FHIP1A: variants seen among roughly 807,000 people sequenced by gnomAD.
The protein encoded by FHIP1A is FHF complex subunit HOOK interacting protein 1A.
Under a neutral mutation model 88.6 loss-of-function variants are expected in FHIP1A, and 61 were observed. The observed-to-expected ratio is 0.69, with a 90% CI of 0.56 to 0.85. FHIP1A has a LOEUF of 0.85. Among genes scored for constraint, FHIP1A ranks in the 40% least tolerant of loss-of-function variants. The pLI, the probability that FHIP1A is intolerant of heterozygous loss-of-function variation, is 0.00. For missense variants in FHIP1A, 1,154 were observed against 1,273.5 expected, an observed-to-expected ratio of 0.91 and a Z score of 1.43; for synonymous variants, 478 against 496.0, an observed-to-expected ratio of 0.96 and a Z score of 0.48.
At chr4:151,563,080 C>A (rs1733236487) in intron 3 of FHIP1A, among the ~76,000 whole-genome samples, 1 of 151,890 alleles carries the variant, frequency 6.6e-6, no homozygotes, top group Admixed American at 6.6e-5. Context: ...TATAATTTTT[C>A]TTTCCTTATT....
chr4:151,412,603 C>T lies in FHIP1A; in HGVS notation c.-356+3138C>T, dbSNP rs1379827720. Among the ~76,000 whole-genome samples the T allele has an allele frequency of 3.6e-5, 5 of 140,746 alleles. No individual in the cohort carries two copies. In the East Asian group the frequency reaches 8.2e-4, roughly 23 times the overall value. 92.3% of individuals were successfully genotyped at this position (140,746 alleles called of 152,430 possible). Reference sequence around the variant, plus strand: ...CCTTTCTTTCCTTCCTTCCTTCCTTCCTTCCTTCCTCCCTCCCTCCCTCCC... The same window carrying T: ...CCTTTCTTTCCTTCCTTCCTTCCTTTCTTCCTTCCTCCCTCCCTCCCTCCC... On this transcript the variant is annotated intron_variant, in intron 1 of 13. Transcript: ENST00000435205.
At chr4:151,593,973 G>C (rs1038365609) in intron 7 of FHIP1A, among the ~76,000 whole-genome samples, 1 of 152,100 alleles carries the variant, frequency 6.6e-6, no homozygotes, top group Admixed American at 6.5e-5. Context: ...AGCGTGAAGG[G>C]GTGTTGAATT....
intron 7 of FHIP1A, among the ~76,000 whole-genome samples, chr4:151,622,865 G>A (rs1172913931): frequency 1.3e-5 from 2 of 151,950 alleles, no homozygotes; most frequent in Admixed American, 1.3e-4. Flanking sequence ...GGTTATTTGG[G>A]TATTCAATAG....
chr4:151,587,002 G>A (rs903709144), intron 6 of FHIP1A, among the ~76,000 whole-genome samples: 1 of 152,136 alleles, frequency 6.6e-6, no homozygotes, highest in Non-Finnish European at 1.5e-5. Context: ...GAAAAAAAAT[G>A]AGTAGATTTT....
At chr4:151,654,481 CAT>C (rs1737155264) in intron 11 of FHIP1A, among the ~76,000 whole-genome samples, 1 of 152,116 alleles carries the variant, frequency 6.6e-6, no homozygotes, top group South Asian at 2.1e-4. Context: ...ATTTTATGGT[CAT>C]ATGTTTTACA....
chr4:151,609,437 A>G (rs1226319275), intron 7 of FHIP1A, among the ~76,000 whole-genome samples: 5 of 152,334 alleles, frequency 3.3e-5, no homozygotes, highest in Non-Finnish European at 5.9e-5. Context: ...CCACATGTAG[A>G]AAAACCTACA....
intron 3 of FHIP1A, among the ~76,000 whole-genome samples, chr4:151,535,450 T>TA (rs1732033222): frequency 6.6e-6 from 1 of 152,164 alleles, no homozygotes; most frequent in African/African-American, 2.4e-5. Flanking sequence ...AAACTAAACA[T>TA]ACACAATCCC....
chr4:151,637,569 T>C (rs1193046484), intron 8 of FHIP1A, among the ~76,000 whole-genome samples: 2 of 152,124 alleles, frequency 1.3e-5, no homozygotes, highest in Non-Finnish European at 2.9e-5. Flanking sequence ...TGGCAATGGA[T>C]AAGAAGGAAA....
chr4:151,644,736 G>C (rs1353338875), intron 9 of FHIP1A, among the ~76,000 whole-genome samples: 2 of 152,084 alleles, frequency 1.3e-5, no homozygotes, highest in Non-Finnish European at 2.9e-5. Flanking sequence ...CCTCTCTCCT[G>C]CTCTGATCCC....
intron 5 of FHIP1A, among the ~76,000 whole-genome samples, chr4:151,582,732 GAATA>G (rs1578781106): frequency 1.3e-5 from 2 of 152,166 alleles, no homozygotes; most frequent in Non-Finnish European, 2.9e-5. Context: ...AATGTGTTGG[GAATA>G]AATAGAATGT....
At position 151,629,749 on chromosome 4, in the gene FHIP1A, C is replaced by T; in HGVS notation, c.1026C>T (p.Phe342=). The part of the protein sequence containing the change: ...VMTTTAYLDL[F]LRSISEPALL... The stretch of plus-strand genomic sequence containing the variant: ...CCACAACTGCATATCTGGACCTTTT[C>T]CTGCGTAGCATCTCCGAGCCAGCAC... Residue 342 remains phenylalanine, a synonymous_variant, in exon 8 of 14, where the codon TTC becomes TTT. Transcript: ENST00000435205. 1 of 1,551,426 alleles carries T rather than the reference C, an allele frequency of 6.4e-7. No individual in the cohort carries two copies. Among genetic ancestry groups the T allele is most frequent in the Non-Finnish European group, 8.7e-7 (1 of 1,146,804 alleles).
Position 151,665,614 on chromosome 4 carries a change from A to G in FHIP1A, c.*2860A>G, listed in dbSNP as rs1737632176. On this transcript the variant is annotated 3_prime_UTR_variant, in exon 14 of 14. Transcript: ENST00000435205. ...GAGAACTGAGTCTATCCACGGGAGA[A>G]GAGCAAATCCTGCACGATTCGGGGG... 6.6e-6 allele frequency among the ~76,000 whole-genome samples: 1 copy of G among 152,222 alleles called. No homozygotes were observed. Among genetic ancestry groups the G allele is most frequent in the African/African-American group, 2.4e-5 (1 of 41,456 alleles).
intron 10 of FHIP1A, 90 bp downstream of exon 10, chr4:151,646,838 T>A (rs1174586709): frequency 4.7e-6 from 4 of 844,720 alleles, no homozygotes; most frequent in Non-Finnish European, 7.3e-6. Context: ...GACAGGGAAT[T>A]ATGTGGTGGG....
rs148538279 is a variant in FHIP1A, at chr4:151,414,119, C to T, written c.-356+4654C>T. Among the ~76,000 whole-genome samples, 1,409 of 151,724 alleles carry T rather than the reference C, an allele frequency of 9.3e-3. 19 individuals are homozygous for T. Among genetic ancestry groups the T allele is most frequent in the African/African-American group, 0.032 (1,314 of 41,366 alleles). ...AGGCTGGAGTGCAGTGGTGCAATCT[C>T]GGCTCACTGCAACCTCCGCCTTCCA... On this transcript the variant is annotated intron_variant, in intron 1 of 13. Coordinates refer to ENST00000435205, the MANE Select transcript of FHIP1A (RefSeq NM_001109977.3).
intron 5 of FHIP1A, among the ~76,000 whole-genome samples, chr4:151,581,537 T>G (rs1380499950): frequency 6.6e-6 from 1 of 152,190 alleles, no homozygotes; most frequent in Non-Finnish European, 1.5e-5. Context: ...TAAAACACTG[T>G]ACAGATCATT....
chr4:151,411,681 A>G (rs1217960938), intron 1 of FHIP1A, among the ~76,000 whole-genome samples: 1 of 152,120 alleles, frequency 6.6e-6, no homozygotes, highest in East Asian at 1.9e-4. Flanking sequence ...AAAATTTAAT[A>G]AGGAACCTCC....
intron 2 of FHIP1A, among the ~76,000 whole-genome samples, chr4:151,463,188 G>A (rs201665016): frequency 6.6e-6 from 1 of 152,166 alleles, no homozygotes; most frequent in African/African-American, 2.4e-5. Context: ...TGGCTGTTTT[G>A]GTTTAGAAGA....
chr4:151,448,945 T>C (rs1375724619), intron 1 of FHIP1A, among the ~76,000 whole-genome samples: 2 of 152,184 alleles, frequency 1.3e-5, no homozygotes, highest in Non-Finnish European at 2.9e-5. Flanking sequence ...AGTTCCAGTT[T>C]CTTGGTTTTT....
At chr4:151,455,265 A>G (rs1449252323) in intron 2 of FHIP1A, among the ~76,000 whole-genome samples, 2 of 152,220 alleles carry the variant, frequency 1.3e-5, no homozygotes, top group Non-Finnish European at 2.9e-5. Flanking sequence ...GAATATAAAG[A>G]TGTTTCCTCT....
Sources: gnomAD v4.1 joint callset for allele counts (sites outside exome capture counted in the v4.1 genomes callset) on GRCh38, gnomAD v4.1.1 for gene constraint, MANE v1.5 for transcripts, NCBI Gene and HGNC (gene_info 2026-07-23, HGNC 2026-07-21) for gene names.